Variants in ARHGEF6 observed in about 807,000 individuals in gnomAD.
ARHGEF6 encodes Rac/Cdc42 guanine nucleotide exchange factor 6, also known as rho guanine nucleotide exchange factor 6.
In ARHGEF6, 9 loss-of-function variants were observed where a neutral mutation model predicts 70.3. That is an observed-to-expected ratio of 0.13 (90% CI 0.08 to 0.22). ARHGEF6 has a LOEUF of 0.22. ARHGEF6 is among the 10% of genes least tolerant of loss of function. The pLI is 1.00. For missense variants in ARHGEF6, 470 were observed against 563.0 expected (o/e 0.83, Z 1.67); for synonymous variants, 201 against 207.8 (o/e 0.97, Z 0.28).
chrX:136,774,039 A>AC (rs2077382977), intron 2 of ARHGEF6: 1 of 112,319 alleles, frequency 8.9e-6, no homozygotes, highest in East Asian at 2.8e-4. Context: ...TTGGAACGAT[A>AC]CAGAGAATAT....
chrX:136,761,933 T>C (rs2077267306), intron 2 of ARHGEF6, among the ~76,000 whole-genome samples: 1 of 110,049 alleles, frequency 9.1e-6, no homozygotes, highest in African/African-American at 3.3e-5. Context: ...TGAAACGGAG[T>C]TTCGCTGTTG....
intron 9 of ARHGEF6, among the ~76,000 whole-genome samples, chrX:136,705,799 C>A (rs2076620995): frequency 8.9e-6 from 1 of 112,413 alleles, no homozygotes; most frequent in African/African-American, 3.2e-5. Flanking sequence ...CTGCGTTCAA[C>A]CTTTAAAATG....
chrX:136,697,236 C>T (rs2076522570), intron 9 of ARHGEF6, among the ~76,000 whole-genome samples: 1 of 111,679 alleles, frequency 9.0e-6, no homozygotes, highest in Non-Finnish European at 1.9e-5. Context: ...GATATTCAAG[C>T]TTAAGAGCTC....
chrX:136,688,639 T>C (rs543631820), intron 10 of ARHGEF6, among the ~76,000 whole-genome samples: 5 of 110,692 alleles, frequency 4.5e-5, no homozygotes, highest in African/African-American at 1.3e-4. Flanking sequence ...GCCTGGGTGA[T>C]AGAGTGAGAC....
At chrX:136,685,520 T>C (rs1254204349) in intron 12 of ARHGEF6, among the ~76,000 whole-genome samples, 157 bp downstream of exon 12, 2 of 106,929 alleles carry the variant, frequency 1.9e-5, no homozygotes, top group African/African-American at 3.5e-5. Context: ...GGCAGGAGGA[T>C]TGCTTGAACC....
intron 7 of ARHGEF6, among the ~76,000 whole-genome samples, chrX:136,710,330 C>CATACATATAT (rs747992259): frequency 1.1e-5 from 1 of 87,564 alleles, no homozygotes; most frequent in Admixed American, 1.4e-4. Flanking sequence ...ATATATTATA[C>CATACATATAT]ATATATATAT....
chrX:136,715,040 C>A (rs1340276993), intron 6 of ARHGEF6, among the ~76,000 whole-genome samples: 1 of 111,770 alleles, frequency 8.9e-6, no homozygotes, highest in African/African-American at 3.3e-5. Context: ...CAATATTGCC[C>A]CCAGTTGAGA....
intron 9 of ARHGEF6, among the ~76,000 whole-genome samples, chrX:136,696,885 C>T (rs1788368363): frequency 1.8e-5 from 2 of 110,297 alleles, no homozygotes; most frequent in African/African-American, 6.6e-5. Flanking sequence ...AATATGATAT[C>T]TCACCAGGAG....
chrX:136,713,177 A>G, intron 7 of ARHGEF6, 99 bp downstream of exon 7: 1 of 758,204 alleles, frequency 1.3e-6, no homozygotes, highest in East Asian at 3.2e-5. Context: ...AAATTCTTCT[A>G]AAGGGCAAAA....
rs748749426 is a variant in ARHGEF6, at chrX:136,714,743, G to C, written c.733-1373C>G. ...TTCTCTGGGAAACCACTGGAGTGCA[G>C]GGTGGTAGTCCTGACTCTGCTGCTG... On this transcript the variant is annotated intron_variant, in intron 6 of 21. Coordinates refer to ENST00000250617, the MANE Select transcript of ARHGEF6 (RefSeq NM_004840.3). Among the ~76,000 whole-genome samples, 4 of 111,619 alleles carry C rather than the reference G, an allele frequency of 3.6e-5. No individual in the cohort carries two copies. In the South Asian group the frequency reaches 1.5e-3, roughly 42 times the overall value.
intron 2 of ARHGEF6, among the ~76,000 whole-genome samples, chrX:136,765,140 A>G (rs1380585868): frequency 1.8e-5 from 2 of 111,701 alleles, no homozygotes; most frequent in African/African-American, 6.5e-5. Flanking sequence ...GTACAATGCC[A>G]CCTACCTCCC....
In ARHGEF6 at chrX:136,757,960, G is replaced by C. The variant is rs1215594288; in HGVS notation, c.250-10368C>G. 2.9e-5 allele frequency among the ~76,000 whole-genome samples: 3 copies of C among 102,855 alleles called. No individual in the cohort carries two copies. The Admixed American group carries it at 3.2e-4, about 11-fold the overall frequency. 89.3% of individuals were successfully genotyped at this position (102,855 alleles called of 115,157 possible). On this transcript the variant is annotated intron_variant, in intron 2 of 21. Coordinates refer to ENST00000250617, the MANE Select transcript of ARHGEF6 (RefSeq NM_004840.3). ...CCGAGAAGGAAAGAGAGGAGGAAAA[G>C]GCAAATTTTTTAAAGTAGAATTTGA...
In ARHGEF6 at chrX:136,666,282, G is replaced by A. The variant is rs1343547909; in HGVS notation, c.*1747C>T. 2 of 112,646 alleles carry A rather than the reference G, an allele frequency of 1.8e-5. No individual in the cohort carries two copies. Among genetic ancestry groups the A allele is most frequent in the African/African-American group, 6.5e-5 (2 of 30,928 alleles). The allele number at this position is 112,646 out of a possible 1,213,427, so 9.3% of individuals were successfully genotyped here. Reference sequence around the variant, plus strand: ...CAAGCAGACAACAGCCCTGTACCATGTAGCTATGGGACCTTGAGACTCTCA... The same window carrying A: ...CAAGCAGACAACAGCCCTGTACCATATAGCTATGGGACCTTGAGACTCTCA... On this transcript the variant is annotated 3_prime_UTR_variant, in exon 22 of 22. Coordinates refer to ENST00000250617, the MANE Select transcript of ARHGEF6 (RefSeq NM_004840.3).
intron 20 of ARHGEF6, 127 bp from the exon 21 acceptor site, chrX:136,669,663 G>T: frequency 1.8e-6 from 1 of 544,677 alleles, no homozygotes; most frequent in East Asian, 3.5e-5. Flanking sequence ...AGCTGATTGG[G>T]AATGGTACTG....
intron 7 of ARHGEF6, among the ~76,000 whole-genome samples, chrX:136,711,018 A>G (rs757922142): frequency 1.7e-4 from 19 of 111,702 alleles, no homozygotes; most frequent in Admixed American, 5.7e-4. Flanking sequence ...GTTGGTGTGG[A>G]TGTGGTGAAA....
intron 16 of ARHGEF6, 115 bp downstream of exon 16, chrX:136,679,420 C>T: frequency 2.1e-6 from 2 of 935,248 alleles, no homozygotes; most frequent in South Asian, 4.3e-5. Context: ...CAATTCAAGA[C>T]TGACTCACAT....
At chrX:136,681,349 TATCAGCACC>T (rs1445560362) in intron 14 of ARHGEF6, among the ~76,000 whole-genome samples, 1 of 112,046 alleles carries the variant, frequency 8.9e-6, no homozygotes, top group East Asian at 2.8e-4. Context: ...CACTGTGCCA[TATCAGCACC>T]AACAGTCAGG....
intron 5 of ARHGEF6, among the ~76,000 whole-genome samples, chrX:136,735,575 G>A (rs760907298): frequency 4.3e-4 from 48 of 111,359 alleles, no homozygotes; most frequent in Admixed American, 3.0e-3. Flanking sequence ...CAACCAGTGC[G>A]GGGGGAAATC....
chrX:136,738,154 C>T (rs1416812866), intron 5 of ARHGEF6, among the ~76,000 whole-genome samples: 2 of 110,849 alleles, frequency 1.8e-5, no homozygotes, highest in East Asian at 5.6e-4. Flanking sequence ...TACTGATGCT[C>T]TGCTATATAT....
Sources: gnomAD v4.1 joint callset for allele counts (sites outside exome capture counted in the v4.1 genomes callset) on GRCh38, gnomAD v4.1.1 for gene constraint, MANE v1.5 for transcripts, NCBI Gene and HGNC (gene_info 2026-07-23, HGNC 2026-07-21) for gene names.